Variants in PCDHA10 observed in about 807,000 individuals in gnomAD.
PCDHA10 encodes protocadherin alpha 10.
A neutral mutation model predicts 61.2 loss-of-function variants in PCDHA10; 45 were observed. That is an observed-to-expected ratio of 0.74 (90% CI 0.58 to 0.94). The LOEUF is 0.94. Among genes scored for constraint, PCDHA10 ranks in the 40% least tolerant of loss-of-function variants. The pLI, the probability that PCDHA10 is intolerant of heterozygous loss-of-function variation, is 0.00. For synonymous variants in PCDHA10, 602 were observed against 548.8 expected, an observed-to-expected ratio of 1.10 and a Z score of -1.35; for missense variants, 1,278 against 1,236.2, an observed-to-expected ratio of 1.03 and a Z score of -0.51.
intron 1 of PCDHA10, among the ~76,000 whole-genome samples, chr5:140,962,961 T>C (rs1483172996): frequency 1.3e-5 from 2 of 152,148 alleles, no homozygotes; most frequent in African/African-American, 4.8e-5. Flanking sequence ...TCTATCCCTA[T>C]ATAGGAAATT....
At chr5:140,870,848 G>A in intron 1 of PCDHA10, 1 of 1,613,876 alleles carries the variant, frequency 6.2e-7, no homozygotes, top group East Asian at 2.2e-5. Context: ...CTAGTACCGC[G>A]GTCGGTGGGT....
At chr5:140,967,226 C>G (rs782350843) in intron 1 of PCDHA10, 1 of 1,613,746 alleles carries the variant, frequency 6.2e-7, no homozygotes, top group Non-Finnish European at 8.5e-7. Flanking sequence ...GCCCAACTAC[C>G]AGCTTCAGGT....
intron 1 of PCDHA10, chr5:140,877,444 G>A (rs782552942): frequency 6.2e-7 from 1 of 1,613,864 alleles, no homozygotes; most frequent in South Asian, 1.1e-5. Context: ...CGGTGAGCCC[G>A]CGCTGACGTC....
chr5:140,874,158 G>T (rs986617459), intron 1 of PCDHA10, among the ~76,000 whole-genome samples: 8 of 152,108 alleles, frequency 5.3e-5, no homozygotes, highest in African/African-American at 1.7e-4. Context: ...GCCATTCTTG[G>T]TTACTCTTTC....
At chr5:140,983,226 T>C (rs892083218) in intron 3 of PCDHA10, among the ~76,000 whole-genome samples, 1 of 152,216 alleles carries the variant, frequency 6.6e-6, no homozygotes, top group Non-Finnish European at 1.5e-5. Context: ...ATCCAAACTT[T>C]CAGGAAAGAG....
rs376929883 is a variant in PCDHA10 at position 140,967,867 on chromosome 5, C to T, written c.2389-11082C>T. Reference sequence around the variant, plus strand: ...ATGACAATGCCCCAGAGGTGGTGCTCACGGACCTGTATAGCCCAGTGCCTG... The same window carrying T: ...ATGACAATGCCCCAGAGGTGGTGCTTACGGACCTGTATAGCCCAGTGCCTG... On this transcript the variant is annotated intron_variant, in intron 1 of 3. Coordinates refer to ENST00000307360, the MANE Select transcript of PCDHA10 (RefSeq NM_018901.4). 48 of 1,614,012 alleles carry T rather than the reference C, an allele frequency of 3.0e-5. No individual in the cohort carries two copies. The African/African-American group carries it at 6.0e-4, about 20-fold the overall frequency.
chr5:140,999,132 T>C (rs1430473415), intron 3 of PCDHA10, among the ~76,000 whole-genome samples: 2 of 152,160 alleles, frequency 1.3e-5, no homozygotes, highest in Non-Finnish European at 2.9e-5. Flanking sequence ...CTGGAAAATG[T>C]CACAGCCGGA....
chr5:140,962,248 A>G (rs782618740), intron 1 of PCDHA10, among the ~76,000 whole-genome samples: 5 of 152,182 alleles, frequency 3.3e-5, no homozygotes, highest in Non-Finnish European at 5.9e-5. Context: ...ATTTTCTTCA[A>G]TGAAAAATAA....
chr5:140,919,038 C>A (rs2078983263), intron 1 of PCDHA10, among the ~76,000 whole-genome samples: 1 of 152,046 alleles, frequency 6.6e-6, no homozygotes, highest in Non-Finnish European at 1.5e-5. Context: ...TAGTTGTTGT[C>A]CATTATTGGA....
intron 2 of PCDHA10, among the ~76,000 whole-genome samples, chr5:140,979,343 AATT>A (rs1482354475): frequency 8.6e-5 from 13 of 152,024 alleles, no homozygotes; most frequent in African/African-American, 3.1e-4. Flanking sequence ...TAAAAACTGT[AATT>A]AATACTCATG....
intron 1 of PCDHA10, chr5:140,877,080 C>A (rs113692468): frequency 9.9e-6 from 16 of 1,612,944 alleles, no homozygotes; most frequent in Non-Finnish European, 1.4e-5. Flanking sequence ...TCCAGGTGAG[C>A]GCGCGCGACG....
chr5:140,881,319 T>C lies in PCDHA10; in HGVS notation c.2388+22883T>C, dbSNP rs183772489. Reference sequence around the variant, plus strand: ...AAACTTTAACCTCCTGGTTAAATTCTATTTAACCAGGACGCCGATTCGGGC... The same window carrying C: ...AAACTTTAACCTCCTGGTTAAATTCCATTTAACCAGGACGCCGATTCGGGC... On this transcript the variant is annotated intron_variant, in intron 1 of 3. Transcript: ENST00000307360. 1.0e-4 allele frequency: 101 copies of C among 979,186 alleles called. No individual in the cohort carries two copies. The African/African-American group carries it at 1.7e-3, about 17-fold the overall frequency. 60.7% of individuals were successfully genotyped at this position (979,186 alleles called of 1,614,324 possible).
chr5:140,927,587 T>A, intron 1 of PCDHA10: 18 of 1,614,162 alleles, frequency 1.1e-5, no homozygotes, highest in Non-Finnish European at 1.5e-5. Context: ...AACGCGCCTG[T>A]ATTTGAGCGC....
intron 1 of PCDHA10, chr5:140,869,287 C>G (rs782369184): frequency 6.2e-7 from 1 of 1,613,538 alleles, no homozygotes; most frequent in South Asian, 1.1e-5. Flanking sequence ...GCTGGTGCAG[C>G]GCCTGTTCCG....
At chr5:140,967,910 A>G (rs2096197842) in intron 1 of PCDHA10, 1 of 1,613,996 alleles carries the variant, frequency 6.2e-7, no homozygotes, top group Non-Finnish European at 8.5e-7. Flanking sequence ...TACACCCAAC[A>G]CCATTGTGGC....
chr5:140,909,784 C>T (rs1380024637), intron 1 of PCDHA10, among the ~76,000 whole-genome samples: 1 of 152,154 alleles, frequency 6.6e-6, no homozygotes, highest in African/African-American at 2.4e-5. Context: ...TGGACCCACT[C>T]TAAGTCAGAC....
chr5:140,979,145 G>A, intron 2 of PCDHA10, 138 bp downstream of exon 2: 1 of 1,447,220 alleles, frequency 6.9e-7, no homozygotes, highest in Non-Finnish European at 9.1e-7. Context: ...CAATTATTTT[G>A]TCCCCATGTT....
At chr5:140,926,281 T>A (rs2083071196) in intron 1 of PCDHA10, 1 of 152,306 alleles carries the variant, frequency 6.6e-6, no homozygotes, top group African/African-American at 2.4e-5. Context: ...GCTCGGCAGC[T>A]CCACGCTGAG....
intron 3 of PCDHA10, among the ~76,000 whole-genome samples, chr5:140,989,478 G>A (rs1319813384): frequency 2.0e-5 from 3 of 152,204 alleles, no homozygotes; most frequent in Admixed American, 6.5e-5. Context: ...CTCCTGGGAG[G>A]TGCTTGAACA....
Sources: allele counts gnomAD v4.1 joint callset (sites outside exome capture counted in the v4.1 genomes callset), GRCh38; gene constraint gnomAD v4.1.1; transcripts MANE v1.5; gene names NCBI Gene and HGNC (gene_info 2026-07-23, HGNC 2026-07-21).